Variants in KCNN2 observed in about 807,000 individuals in gnomAD.
KCNN2 encodes potassium calcium-activated channel subfamily N member 2, also known as small conductance calcium-activated potassium channel protein 2.
A neutral mutation model predicts 55.5 loss-of-function variants in KCNN2; 24 were observed. That is an observed-to-expected ratio of 0.43 (90% CI 0.31 to 0.61). The LOEUF (loss-of-function observed/expected upper bound fraction) is 0.61, where lower values mean the gene tolerates loss of function less well. KCNN2 is among the 20% of genes least tolerant of loss of function. The pLI is 0.08. For synonymous variants in KCNN2, 431 were observed against 336.1 expected (o/e 1.28, Z -3.09); for missense variants, 754 against 853.6 (o/e 0.88, Z 1.45).
chr5:114,060,477 G>A (rs562488375), intron 1 of KCNN2, among the ~76,000 whole-genome samples: 1 of 152,336 alleles, frequency 6.6e-6, no homozygotes, highest in African/African-American at 2.4e-5. Context: ...GGAAGGGAGT[G>A]AGGGAAAATG....
chr5:114,370,427 A>C (rs1189010662), intron 2 of KCNN2, among the ~76,000 whole-genome samples: 1 of 152,122 alleles, frequency 6.6e-6, no homozygotes, highest in Non-Finnish European at 1.5e-5. Context: ...TATTCCAAGG[A>C]GGAGGGGTTA....
At chr5:114,198,463 T>TACATATACAC (rs1554074334) in intron 1 of KCNN2, among the ~76,000 whole-genome samples, 2 of 147,820 alleles carry the variant, frequency 1.4e-5, no homozygotes, top group African/African-American at 5.0e-5. Flanking sequence ...TATATACATA[T>TACATATACAC]ACACACACAC....
intron 6 of KCNN2, among the ~76,000 whole-genome samples, chr5:114,491,974 G>T (rs1270444611): frequency 6.6e-6 from 1 of 152,094 alleles, no homozygotes; most frequent in South Asian, 2.1e-4. Context: ...ATACATGCTT[G>T]TAAATTTTAG....
intron 3 of KCNN2, among the ~76,000 whole-genome samples, chr5:114,407,374 T>A (rs1758967990): frequency 6.6e-6 from 1 of 152,182 alleles, no homozygotes; most frequent in Non-Finnish European, 1.5e-5. Context: ...GGATTTTACT[T>A]CTTCTGTATT....
intron 2 of KCNN2, among the ~76,000 whole-genome samples, chr5:114,279,252 A>G (rs1289166713): frequency 6.6e-6 from 1 of 152,054 alleles, no homozygotes; most frequent in Non-Finnish European, 1.5e-5. Context: ...TGCTGGCTCC[A>G]GTTACTTTGC....
At chr5:114,240,700 G>T (rs56170621) in intron 2 of KCNN2, among the ~76,000 whole-genome samples, 19,192 of 152,092 alleles carry the variant, frequency 0.13, 1,710 homozygotes, top group East Asian at 0.53. Context: ...AAAGTGCTGG[G>T]ATTACAGGCA....
At chr5:114,152,311 A>G (rs1024294250) in intron 1 of KCNN2, among the ~76,000 whole-genome samples, 8 of 152,236 alleles carry the variant, frequency 5.3e-5, no homozygotes, top group African/African-American at 1.9e-4. Flanking sequence ...CACAATAAAC[A>G]CTTAAAATGT....
At chr5:114,113,585 T>G (rs1045229391) in intron 1 of KCNN2, among the ~76,000 whole-genome samples, 4 of 152,064 alleles carry the variant, frequency 2.6e-5, no homozygotes, top group Admixed American at 1.3e-4. Context: ...GAAGTAAAGC[T>G]TCAAAGAAGT....
chr5:114,352,063 T>C (rs1757215208), intron 2 of KCNN2, among the ~76,000 whole-genome samples: 1 of 151,808 alleles, frequency 6.6e-6, no homozygotes, highest in Admixed American at 6.6e-5. Context: ...GGCCTGGCCA[T>C]TTCTTCATAG....
At chr5:114,099,229 A>G (rs1490402229) in intron 1 of KCNN2, among the ~76,000 whole-genome samples, 1 of 152,142 alleles carries the variant, frequency 6.6e-6, no homozygotes, top group African/African-American at 2.4e-5. Flanking sequence ...CCAGTCACAT[A>G]CATAAATATG....
chr5:114,189,097 C>T (rs1222366409), intron 1 of KCNN2, among the ~76,000 whole-genome samples: 2 of 151,476 alleles, frequency 1.3e-5, no homozygotes, highest in Non-Finnish European at 2.9e-5. Flanking sequence ...ATACTAATAA[C>T]GGCTGTACTA....
intron 1 of KCNN2, among the ~76,000 whole-genome samples, chr5:114,171,620 C>G (rs77320247): frequency 0.018 from 2,719 of 151,610 alleles, 78 homozygotes; most frequent in African/African-American, 0.061. Flanking sequence ...GGACTTTCCT[C>G]TCTAAACTTT....
At chr5:114,056,770 A>G (rs1221909338) in intron 1 of KCNN2, among the ~76,000 whole-genome samples, 1 of 152,090 alleles carries the variant, frequency 6.6e-6, no homozygotes, top group African/African-American at 2.4e-5. Context: ...TCCGTCTTCC[A>G]TCCTTCCCCC....
intron 2 of KCNN2, among the ~76,000 whole-genome samples, chr5:114,368,154 A>C (rs1438573786): frequency 6.6e-6 from 1 of 152,092 alleles, no homozygotes; most frequent in Non-Finnish European, 1.5e-5. Context: ...CAGACGGTTG[A>C]CTTTTCATTT....
chr5:114,214,298 T>G (rs1753955362), intron 1 of KCNN2, among the ~76,000 whole-genome samples: 1 of 151,908 alleles, frequency 6.6e-6, no homozygotes, highest in Non-Finnish European at 1.5e-5. Flanking sequence ...GCAATAAAAC[T>G]TTGTTTACAC....
chr5:114,064,211 C>T (rs1750391934), intron 1 of KCNN2, among the ~76,000 whole-genome samples: 1 of 152,224 alleles, frequency 6.6e-6, no homozygotes. Flanking sequence ...ATGGCAGCTA[C>T]TAGTGCCTCT....
intron 2 of KCNN2, among the ~76,000 whole-genome samples, chr5:114,266,992 CTTTTTT>C (rs58929255): frequency 1.1e-3 from 120 of 110,220 alleles, no homozygotes; most frequent in Non-Finnish European, 1.5e-3. Flanking sequence ...CCCTTCCCTC[CTTTTTT>C]TTTTTTTTTT....
intron 1 of KCNN2, among the ~76,000 whole-genome samples, chr5:114,128,036 C>G (rs1224780038): frequency 6.6e-6 from 1 of 152,194 alleles, no homozygotes; most frequent in Non-Finnish European, 1.5e-5. Context: ...AAGTTCCAAA[C>G]TGTCCCACAT....
chr5:114,103,446 G>C (rs1472244081), intron 1 of KCNN2, among the ~76,000 whole-genome samples: 7 of 152,140 alleles, frequency 4.6e-5, no homozygotes, highest in Admixed American at 4.6e-4. Flanking sequence ...ACCCTGGCCA[G>C]AACTTCCAAT....
Sources: allele counts gnomAD v4.1 joint callset (sites outside exome capture counted in the v4.1 genomes callset), GRCh38; gene constraint gnomAD v4.1.1; transcripts MANE v1.5; gene names NCBI Gene and HGNC (gene_info 2026-07-23, HGNC 2026-07-21).